Variants in ROBO2 observed in about 807,000 individuals in gnomAD.
ROBO2 encodes roundabout guidance receptor 2, also known as roundabout homolog 2.
A neutral mutation model predicts 160.8 loss-of-function variants in ROBO2; 53 were observed. That is an observed-to-expected ratio of 0.33 (90% CI 0.26 to 0.41). ROBO2 has a LOEUF of 0.41. Among genes scored for constraint, ROBO2 ranks in the 10% least tolerant of loss-of-function variants. ROBO2 has a pLI of 1.00. For missense variants in ROBO2, 1,577 were observed against 1,722.4 expected, an observed-to-expected ratio of 0.92 and a Z score of 1.49; for synonymous variants, 664 against 611.7, an observed-to-expected ratio of 1.09 and a Z score of -1.26.
intron 2 of ROBO2, among the ~76,000 whole-genome samples, chr3:76,764,167 T>C (rs1017198587): frequency 6.6e-6 from 1 of 151,718 alleles, no homozygotes; most frequent in Non-Finnish European, 1.5e-5. Context: ...CTAATCTCCC[T>C]GTTGCTTTCT....
chr3:76,664,119 C>A (rs1211491946), intron 2 of ROBO2, among the ~76,000 whole-genome samples: 1 of 152,118 alleles, frequency 6.6e-6, no homozygotes, highest in Non-Finnish European at 1.5e-5. Context: ...ACTGAGGACA[C>A]AGCTAGAATT....
intron 2 of ROBO2, among the ~76,000 whole-genome samples, chr3:76,175,026 T>C (rs2073177297): frequency 1.3e-5 from 2 of 152,168 alleles, no homozygotes. Flanking sequence ...GTTTGTGTCC[T>C]CTTTTATTTT....
intron 2 of ROBO2, among the ~76,000 whole-genome samples, chr3:76,047,471 C>CG (rs1233032949): frequency 6.6e-6 from 1 of 152,194 alleles, no homozygotes; most frequent in African/African-American, 2.4e-5. Flanking sequence ...GTTAGTGATA[C>CG]AGAGATTGCC....
intron 2 of ROBO2, among the ~76,000 whole-genome samples, chr3:76,317,617 C>G (rs1287843409): frequency 2.6e-5 from 4 of 152,082 alleles, no homozygotes; most frequent in African/African-American, 4.8e-5. Flanking sequence ...AATTTAATCT[C>G]CATCTGTATG....
chr3:77,248,784 T>TTTC (rs1249733713), intron 2 of ROBO2, among the ~76,000 whole-genome samples: 1 of 151,588 alleles, frequency 6.6e-6, no homozygotes, highest in African/African-American at 2.4e-5. Flanking sequence ...GCTCTTTTTT[T>TTTC]TTTTTTTTTT....
chr3:77,171,247 T>C (rs2079605259), intron 2 of ROBO2, among the ~76,000 whole-genome samples: 1 of 152,082 alleles, frequency 6.6e-6, no homozygotes, highest in Non-Finnish European at 1.5e-5. Context: ...AAAGCACTCC[T>C]GGAAAAAAGA....
At chr3:76,917,518 A>G (rs954124898) in intron 2 of ROBO2, among the ~76,000 whole-genome samples, 34 of 152,212 alleles carry the variant, frequency 2.2e-4, no homozygotes, top group African/African-American at 7.7e-4. Flanking sequence ...CAACATTTGC[A>G]TATTTCCTTT....
intron 1 of ROBO2, among the ~76,000 whole-genome samples, chr3:75,907,852 C>CGTGCGT (rs1553699048): frequency 6.7e-6 from 1 of 148,570 alleles, no homozygotes; most frequent in Non-Finnish European, 1.5e-5. Flanking sequence ...TAATCGTGTG[C>CGTGCGT]GTGTGTGTGT....
At chr3:77,326,027 A>G (rs2065348121) in intron 2 of ROBO2, among the ~76,000 whole-genome samples, 2 of 152,192 alleles carry the variant, frequency 1.3e-5, no homozygotes, top group African/African-American at 4.8e-5. Context: ...AATTTTAGAA[A>G]ACATTTGCTC....
At chr3:76,263,597 G>A (rs148147706) in intron 2 of ROBO2, among the ~76,000 whole-genome samples, 1 of 151,998 alleles carries the variant, frequency 6.6e-6, no homozygotes, top group East Asian at 1.9e-4. Context: ...AAAGATCTAG[G>A]TTTCATGATT....
At chr3:76,103,302 C>T (rs1370723811) in intron 2 of ROBO2, among the ~76,000 whole-genome samples, 2 of 152,120 alleles carry the variant, frequency 1.3e-5, no homozygotes, top group African/African-American at 2.4e-5. Context: ...CTATGTATAT[C>T]ATTAGATTAT....
rs528731628 is a variant in ROBO2, at chr3:76,685,642, T to C, written c.110-412372T>C. Among the ~76,000 whole-genome samples, 35 of 152,250 alleles carry C rather than the reference T, an allele frequency of 2.3e-4. 1 individual carries two copies. The highest frequency in any genetic ancestry group is 2.2e-3 in the Admixed American group (33 of 15,244). On this transcript the variant is annotated intron_variant, in intron 2 of 26. Coordinates refer to the ROBO2 transcript ENST00000487694. ...TTTCTAACTAAAGTTTTGGTATCCA[T>C]TTGACAACAAAATTTGAGTAAATAA... is the stretch of plus-strand genomic sequence containing the variant.
chr3:76,386,847 C>T (rs952123501), intron 2 of ROBO2, among the ~76,000 whole-genome samples: 2 of 152,038 alleles, frequency 1.3e-5, no homozygotes, highest in African/African-American at 4.8e-5. Context: ...GGTGAATAAG[C>T]CTTGGCCCCT....
intron 2 of ROBO2, among the ~76,000 whole-genome samples, chr3:76,499,743 A>T (rs565090652): frequency 6.6e-6 from 1 of 152,218 alleles, no homozygotes; most frequent in Non-Finnish European, 1.5e-5. Flanking sequence ...AAGAGTATAC[A>T]TTAAAACTAT....
chr3:76,438,578 G>A (rs978577819), intron 2 of ROBO2, among the ~76,000 whole-genome samples: 1 of 151,864 alleles, frequency 6.6e-6, no homozygotes, highest in African/African-American at 2.4e-5. Context: ...ATGATTATTG[G>A]CGAAGAACAA....
intron 2 of ROBO2, among the ~76,000 whole-genome samples, chr3:76,754,937 T>C (rs1212222396): frequency 6.6e-6 from 1 of 151,878 alleles, no homozygotes; most frequent in Non-Finnish European, 1.5e-5. Context: ...CTAGAAACCT[T>C]TAAGTGAAAA....
chr3:77,231,494 G>A (rs2087208597), intron 2 of ROBO2, among the ~76,000 whole-genome samples: 1 of 151,700 alleles, frequency 6.6e-6, no homozygotes, highest in Admixed American at 6.6e-5. Flanking sequence ...ATCCTTTATT[G>A]GGTGCTTTAA....
chr3:77,516,694 G>A (rs1416803144), intron 5 of ROBO2, among the ~76,000 whole-genome samples: 1 of 151,544 alleles, frequency 6.6e-6, no homozygotes, highest in Non-Finnish European at 1.5e-5. Context: ...TAGCATTAAC[G>A]AATTAAATAT....
At chr3:77,616,562 G>A (rs1052323200) in intron 21 of ROBO2, among the ~76,000 whole-genome samples, 15 of 152,182 alleles carry the variant, frequency 9.9e-5, no homozygotes, top group Admixed American at 5.2e-4. Flanking sequence ...TTGTGGGAGT[G>A]GGGGTGAAGT....
Sources: allele counts gnomAD v4.1 joint callset (sites outside exome capture counted in the v4.1 genomes callset), GRCh38; gene constraint gnomAD v4.1.1; transcripts MANE v1.5; gene names NCBI Gene and HGNC (gene_info 2026-07-23, HGNC 2026-07-21).